Variants in GRID1 observed in about 807,000 individuals in gnomAD.
GRID1 encodes glutamate ionotropic receptor delta type subunit 1.
Under a neutral mutation model 98.0 loss-of-function variants are expected in GRID1, and 28 were observed. The ratio of observed to expected loss-of-function variants is 0.29; its 90% confidence interval spans 0.21 to 0.39. The LOEUF is 0.39. GRID1 is among the 10% of genes least tolerant of loss of function. The pLI is 1.00. For synonymous variants in GRID1, 553 were observed against 538.5 expected, an observed-to-expected ratio of 1.03 and a Z score of -0.37; for missense variants, 1,111 against 1,340.5, an observed-to-expected ratio of 0.83 and a Z score of 2.67.
chr10:85,734,459 TA>T (rs549435842), intron 8 of GRID1, among the ~76,000 whole-genome samples: 3 of 152,184 alleles, frequency 2.0e-5, no homozygotes, highest in Non-Finnish European at 4.4e-5. Flanking sequence ...TCTCTTTATC[TA>T]AAAGTGGTTA....
intron 4 of GRID1, among the ~76,000 whole-genome samples, chr10:86,022,078 T>C (rs1031847187): frequency 6.6e-6 from 1 of 152,248 alleles, no homozygotes; most frequent in African/African-American, 2.4e-5. Context: ...CATTTCAACA[T>C]GTAATCAATA....
intron 4 of GRID1, among the ~76,000 whole-genome samples, chr10:86,119,208 A>G (rs1844630850): frequency 1.3e-5 from 2 of 152,044 alleles, no homozygotes; most frequent in Admixed American, 6.6e-5. Flanking sequence ...GGTGGTGTGT[A>G]CCTGTAGTTC....
intron 2 of GRID1, among the ~76,000 whole-genome samples, chr10:86,356,664 G>C (rs1848537788): frequency 1.3e-5 from 2 of 152,220 alleles, no homozygotes; most frequent in Non-Finnish European, 2.9e-5. Flanking sequence ...GAAAGCTGCT[G>C]GGAGTTTTGG....
At chr10:86,079,838 C>T (rs1843939382) in intron 4 of GRID1, among the ~76,000 whole-genome samples, 1 of 152,224 alleles carries the variant, frequency 6.6e-6, no homozygotes. Context: ...AACTCCCACT[C>T]TTCTTTAAGC....
chr10:85,954,615 T>A (rs1389272349), intron 4 of GRID1, among the ~76,000 whole-genome samples: 2 of 152,220 alleles, frequency 1.3e-5, no homozygotes, highest in Non-Finnish European at 2.9e-5. Context: ...TTTGACAACA[T>A]TACTGTATCA....
intron 2 of GRID1, among the ~76,000 whole-genome samples, chr10:86,349,644 A>C (rs1423814134): frequency 6.6e-6 from 1 of 152,258 alleles, no homozygotes; most frequent in East Asian, 1.9e-4. Context: ...GGGCTAGCAC[A>C]GGCAGACCTA....
chr10:85,621,294 A>C (rs1842857002), intron 13 of GRID1, among the ~76,000 whole-genome samples: 1 of 152,164 alleles, frequency 6.6e-6, no homozygotes, highest in Non-Finnish European at 1.5e-5. Context: ...ACAGCACTGA[A>C]ACATCACAGA....
At chr10:85,731,731 G>A (rs1841825488) in intron 8 of GRID1, among the ~76,000 whole-genome samples, 1 of 151,128 alleles carries the variant, frequency 6.6e-6, no homozygotes, top group African/African-American at 2.4e-5. Context: ...GAGACCAGGA[G>A]GTCAAGACTG....
intron 4 of GRID1, among the ~76,000 whole-genome samples, chr10:86,031,895 C>T (rs1843190625): frequency 6.6e-6 from 1 of 152,142 alleles, no homozygotes; most frequent in Non-Finnish European, 1.5e-5. Context: ...CTGGCTGTTC[C>T]CTCTGCCTAA....
At position 85,724,347 on chromosome 10, in the gene GRID1, G is replaced by A; in HGVS notation, c.1858+5C>T. ...TATTCAATGATCAGGAAACCAGAAA[G>A]GTACCTTGCTGTACGAAGGCTCCAT... is the stretch of plus-strand genomic sequence containing the variant. On this transcript the variant is annotated splice_donor_5th_base_variant and intron_variant, in intron 11 of 15. Coordinates refer to ENST00000327946, the MANE Select transcript of GRID1 (RefSeq NM_017551.3). 6.2e-7 allele frequency: 1 copy of A among 1,606,514 alleles called. No homozygotes were observed. Among genetic ancestry groups the A allele is most frequent in the Non-Finnish European group, 8.5e-7 (1 of 1,173,996 alleles).
chr10:86,264,578 C>T (rs949901009), intron 2 of GRID1: 1 of 448,954 alleles, frequency 2.2e-6, no homozygotes. Context: ...AAGGTTTCCA[C>T]AATCTTCTCT....
intron 4 of GRID1, among the ~76,000 whole-genome samples, chr10:86,128,324 A>G (rs1016088457): frequency 2.6e-5 from 4 of 151,998 alleles, no homozygotes; most frequent in Non-Finnish European, 4.4e-5. Context: ...GTGCCCATGT[A>G]CCCAGGGCTT....
chr10:86,046,861 CAAAAAAAAA>C (rs199526669), intron 4 of GRID1, among the ~76,000 whole-genome samples: 6 of 107,690 alleles, frequency 5.6e-5, no homozygotes, highest in South Asian at 3.1e-4. Flanking sequence ...AAGCCCATTT[CAAAAAAAAA>C]AAAAAAAAAA....
At chr10:85,683,524 G>A (rs1384414537) in intron 12 of GRID1, among the ~76,000 whole-genome samples, 3 of 152,214 alleles carry the variant, frequency 2.0e-5, no homozygotes, top group Non-Finnish European at 2.9e-5. Flanking sequence ...CAAAGGTCAT[G>A]AAGTCAACTT....
intron 8 of GRID1, among the ~76,000 whole-genome samples, chr10:85,810,385 C>T (rs114786134): frequency 1.2e-3 from 189 of 152,324 alleles, no homozygotes; most frequent in African/African-American, 4.2e-3. Flanking sequence ...AGCTGAACTG[C>T]TGTGCACCCA....
chr10:86,155,966 C>T (rs565713014), intron 3 of GRID1, among the ~76,000 whole-genome samples: 2 of 152,240 alleles, frequency 1.3e-5, no homozygotes, highest in Non-Finnish European at 2.9e-5. Flanking sequence ...GACAAAGCCC[C>T]CAGACATCCA....
intron 2 of GRID1, among the ~76,000 whole-genome samples, chr10:86,362,428 A>G (rs376434603): frequency 7.2e-5 from 11 of 152,268 alleles, no homozygotes; most frequent in African/African-American, 2.6e-4. Flanking sequence ...AAGGGCAGGA[A>G]TTCCTCTTCC....
At chr10:86,233,572 G>C (rs529342175) in intron 2 of GRID1, among the ~76,000 whole-genome samples, 4 of 152,292 alleles carry the variant, frequency 2.6e-5, no homozygotes, top group African/African-American at 9.6e-5. Context: ...CCCTAGGGTA[G>C]CTCACAGCCA....
intron 6 of GRID1, among the ~76,000 whole-genome samples, chr10:85,864,508 G>A (rs1050223610): frequency 1.3e-5 from 2 of 152,330 alleles, no homozygotes; most frequent in East Asian, 3.9e-4. Flanking sequence ...AATTGTCTCC[G>A]ACAAAGCCTT....
Sources: allele counts gnomAD v4.1 joint callset (sites outside exome capture counted in the v4.1 genomes callset), GRCh38; gene constraint gnomAD v4.1.1; transcripts MANE v1.5; gene names NCBI Gene and HGNC (gene_info 2026-07-23, HGNC 2026-07-21).